Variants in NBEA observed in about 807,000 individuals in gnomAD.
NBEA encodes lysosomal-trafficking regulator 2.
Under a neutral mutation model 343.4 loss-of-function variants are expected in NBEA, and 44 were observed. The observed-to-expected ratio is 0.13, with a 90% CI of 0.10 to 0.16. The LOEUF is 0.16. Ranked by LOEUF, NBEA falls within the 10% of genes least tolerant of loss-of-function variation. The probability of loss-of-function intolerance (pLI) is 1.00; values close to 1 mark genes in which losing one functional copy is unlikely to be tolerated. For synonymous variants in NBEA, 1,175 were observed against 1,238.7 expected (o/e 0.95, Z 1.08); for missense variants, 2,555 against 3,631.3 (o/e 0.70, Z 7.62).
At chr13:35,428,378 A>G (rs1350337263) in intron 38 of NBEA, among the ~76,000 whole-genome samples, 1 of 152,150 alleles carries the variant, frequency 6.6e-6, no homozygotes, top group Non-Finnish European at 1.5e-5. Context: ...GTTGTGCTCC[A>G]CAGATCCCTA....
chr13:35,498,766 A>G (rs2076778248), intron 41 of NBEA, among the ~76,000 whole-genome samples: 1 of 152,126 alleles, frequency 6.6e-6, no homozygotes. Context: ...TTATAGTTTA[A>G]TTACATGATA....
chr13:35,322,129 G>A (rs1364733142), intron 36 of NBEA, among the ~76,000 whole-genome samples: 1 of 152,098 alleles, frequency 6.6e-6, no homozygotes, highest in South Asian at 2.1e-4. Context: ...TGGCATTCCA[G>A]GCACCACTGG....
chr13:35,652,025 C>A, intron 53 of NBEA, 149 bp downstream of exon 53: 1 of 608,808 alleles, frequency 1.6e-6, no homozygotes, highest in Non-Finnish European at 2.9e-6. Context: ...CTGTGTAAAT[C>A]ATAATATGCC....
rs538748877 is a variant in NBEA at position 35,536,646 on chromosome 13, T to TGATAAATA, written c.6586-13827_6586-13826insAATAGATA. 2.2e-3 allele frequency among the ~76,000 whole-genome samples: 220 copies of TGATAAATA among 99,404 alleles called. 3 individuals are homozygous for TGATAAATA. The highest frequency in any genetic ancestry group is 0.021 in the South Asian group (69 of 3,276). The allele number at this position is 99,404 out of a possible 152,430, so 65.2% of individuals were successfully genotyped here. On this transcript the variant is annotated intron_variant, in intron 41 of 58. Coordinates refer to ENST00000379939, the MANE Select transcript of NBEA (RefSeq NM_001385012.1). ...ACTGGCTTCGTAAAAAATAGATAGA[T>TGATAAATA]GATAGATAGATAGATAGATAGATAG... is the stretch of plus-strand genomic sequence containing the variant.
chr13:35,526,080 C>T (rs960099946), intron 41 of NBEA, among the ~76,000 whole-genome samples: 13 of 152,080 alleles, frequency 8.5e-5, no homozygotes, highest in African/African-American at 3.1e-4. Flanking sequence ...TTTCCTTCCT[C>T]GTTGGTAAAA....
chr13:35,525,407 G>A (rs989869430), intron 41 of NBEA, among the ~76,000 whole-genome samples: 1 of 152,008 alleles, frequency 6.6e-6, no homozygotes, highest in Non-Finnish European at 1.5e-5. Context: ...CAAAAAATTA[G>A]CCAGTCGTGG....
intron 32 of NBEA, among the ~76,000 whole-genome samples, chr13:35,209,194 A>G (rs2152751152): frequency 6.6e-6 from 1 of 152,312 alleles, no homozygotes; most frequent in South Asian, 2.1e-4. Flanking sequence ...AAATGTATCA[A>G]GAATATCAAG....
intron 38 of NBEA, among the ~76,000 whole-genome samples, chr13:35,430,961 T>G (rs2045067834): frequency 6.6e-6 from 1 of 152,090 alleles, no homozygotes; most frequent in Admixed American, 6.5e-5. Flanking sequence ...GACTTACAAT[T>G]TTAGTTCTTT....
rs1291012812 is a variant in NBEA at position 35,319,384 on chromosome 13, AGTTTCCAT to A, written c.5903+9795_5903+9802del. On this transcript the variant is annotated intron_variant, in intron 36 of 58. Coordinates refer to ENST00000379939, the MANE Select transcript of NBEA (RefSeq NM_001385012.1). ...GTAGTCATTCAGGAGCAGGTTTTTC[AGTTTCCAT>A]GTAGTTGTGTGGTTTTAAGTGAGTT... Among the ~76,000 whole-genome samples, 3 of 152,112 alleles carry A rather than the reference AGTTTCCAT, an allele frequency of 2.0e-5. No homozygotes were observed. The East Asian group carries it at 5.8e-4, about 29-fold the overall frequency.
chr13:35,464,048 A>T (rs1306350626), intron 40 of NBEA, among the ~76,000 whole-genome samples: 2 of 152,096 alleles, frequency 1.3e-5, no homozygotes, highest in Non-Finnish European at 2.9e-5. Context: ...AAAAAATTTA[A>T]TTTTTTTCCA....
intron 38 of NBEA, among the ~76,000 whole-genome samples, chr13:35,362,255 T>C (rs1390161938): frequency 1.3e-5 from 2 of 151,928 alleles, no homozygotes; most frequent in African/African-American, 4.8e-5. Flanking sequence ...ATTATGTTGG[T>C]CATAGAGTCT....
Position 35,208,802 on chromosome 13 carries a change from T to C in NBEA, c.5469T>C (p.Ser1823=), listed in dbSNP as rs540056523. The change falls in exon 32 of 59, where the codon TCT becomes TCC. Residue 1823 remains serine (S), a synonymous_variant. Transcript: ENST00000379939. ...GTGGGCTGCCAACAGGCAGTACCTC[T>C]AATATATTTGCTGCTACTGGAGCTA... The part of the protein sequence containing the change: ...AGSGLPTGST[S]NIFAATGATP... 2 of 1,609,964 alleles carry C rather than the reference T, an allele frequency of 1.2e-6. No individual in the cohort carries two copies. Among genetic ancestry groups the C allele is most frequent in the South Asian group, 2.2e-5 (2 of 90,460 alleles).
At chr13:35,370,328 GT>G (rs912033559) in intron 38 of NBEA, among the ~76,000 whole-genome samples, 3 of 151,744 alleles carry the variant, frequency 2.0e-5, no homozygotes, top group Non-Finnish European at 4.4e-5. Context: ...CTTAAAGTCT[GT>G]TTTATCTGAT....
At chr13:35,346,580 T>C (rs142873754) in intron 36 of NBEA, among the ~76,000 whole-genome samples, 1 of 152,248 alleles carries the variant, frequency 6.6e-6, no homozygotes, top group Non-Finnish European at 1.5e-5. Flanking sequence ...TTTGTATTCT[T>C]TTAATAATTT....
intron 13 of NBEA, 95 bp downstream of exon 13, chr13:35,111,073 A>G: frequency 9.6e-7 from 1 of 1,037,452 alleles, no homozygotes; most frequent in Admixed American, 3.3e-5. Context: ...CTATGAAATC[A>G]CTGAAATGTT....
chr13:35,139,757 T>TTG (rs1555316350), intron 17 of NBEA, among the ~76,000 whole-genome samples: 38 of 135,908 alleles, frequency 2.8e-4, no homozygotes, highest in African/African-American at 8.2e-4. Context: ...TTTTTTTTTT[T>TTG]TTTTTTTTTT....
At chr13:35,511,673 A>G (rs918706661) in intron 41 of NBEA, among the ~76,000 whole-genome samples, 1 of 152,184 alleles carries the variant, frequency 6.6e-6, no homozygotes, top group South Asian at 2.1e-4. Context: ...TACTGCTATT[A>G]GTAAGGCAGC....
chr13:35,200,873 A>T (rs766415571), intron 31 of NBEA, among the ~76,000 whole-genome samples: 2 of 151,956 alleles, frequency 1.3e-5, no homozygotes, highest in Non-Finnish European at 2.9e-5. Flanking sequence ...AGTGGTAAGG[A>T]TGAAATTTCA....
At chr13:35,449,236 T>C (rs1325586091) in intron 39 of NBEA, among the ~76,000 whole-genome samples, 1 of 152,218 alleles carries the variant, frequency 6.6e-6, no homozygotes, top group African/African-American at 2.4e-5. Context: ...TAATGAATAA[T>C]TTTAATAGGA....
Sources: gnomAD v4.1 joint callset for allele counts (sites outside exome capture counted in the v4.1 genomes callset) on GRCh38, gnomAD v4.1.1 for gene constraint, MANE v1.5 for transcripts, NCBI Gene and HGNC (gene_info 2026-07-23, HGNC 2026-07-21) for gene names.